TOX: variants seen among roughly 807,000 people sequenced by gnomAD.
The protein encoded by TOX is thymocyte selection-associated high mobility group box protein TOX.
A neutral mutation model predicts 53.7 loss-of-function variants in TOX; 11 were observed. The ratio of observed to expected loss-of-function variants is 0.20; its 90% CI spans 0.13 to 0.34. TOX has a LOEUF of 0.34. Ranked by LOEUF, TOX falls within the 10% of genes least tolerant of loss-of-function variation. The pLI is 1.00. For missense variants in TOX, 570 were observed against 664.6 expected, an observed-to-expected ratio of 0.86 and a Z score of 1.56; for synonymous variants, 225 against 245.3, an observed-to-expected ratio of 0.92 and a Z score of 0.77.
chr8:58,848,917 G>GGT (rs139344197), intron 4 of TOX, among the ~76,000 whole-genome samples: 1,883 of 152,142 alleles, frequency 0.012, 16 homozygotes, highest in Middle Eastern at 0.034. Context: ...AGCTTTTTCT[G>GGT]GTGTGGAACT....
At chr8:58,920,791 A>G (rs1050604276) in intron 3 of TOX, among the ~76,000 whole-genome samples, 8 of 148,504 alleles carry the variant, frequency 5.4e-5, no homozygotes, top group African/African-American at 2.0e-4. Context: ...TAAGCTAGGT[A>G]ATAACTACTC....
chr8:59,065,044 T>A (rs1471716735), intron 1 of TOX, among the ~76,000 whole-genome samples: 3 of 152,146 alleles, frequency 2.0e-5, no homozygotes, highest in African/African-American at 7.2e-5. Context: ...TGGTTAAGAA[T>A]AAACTTCCAC....
At chr8:59,017,649 G>A (rs956870986) in intron 1 of TOX, among the ~76,000 whole-genome samples, 5 of 152,160 alleles carry the variant, frequency 3.3e-5, no homozygotes, top group Non-Finnish European at 7.4e-5. Context: ...GAACAATTAC[G>A]TTGAATATGT....
intron 1 of TOX, among the ~76,000 whole-genome samples, chr8:58,961,482 C>T (rs1169017493): frequency 4.0e-5 from 6 of 151,324 alleles, no homozygotes; most frequent in Non-Finnish European, 8.8e-5. Context: ...CTCATGAACC[C>T]GGAGTTAAGT....
intron 2 of TOX, 144 bp downstream of exon 2, chr8:58,959,799 G>A: frequency 2.1e-6 from 2 of 939,232 alleles, no homozygotes; most frequent in East Asian, 5.3e-5. Flanking sequence ...TCATTAACTG[G>A]AAACAAGGCT....
chr8:58,981,722 C>T (rs192827060), intron 1 of TOX, among the ~76,000 whole-genome samples: 314 of 152,218 alleles, frequency 2.1e-3, no homozygotes, highest in African/African-American at 7.0e-3. Context: ...AAAGTCCACC[C>T]GAACAAACTC....
At chr8:59,075,121 G>A (rs1027674742) in intron 1 of TOX, among the ~76,000 whole-genome samples, 1 of 152,188 alleles carries the variant, frequency 6.6e-6, no homozygotes, top group Non-Finnish European at 1.5e-5. Context: ...GAGACTCCTA[G>A]ATTTTTAACC....
intron 1 of TOX, among the ~76,000 whole-genome samples, chr8:59,083,727 TAC>T (rs1020359437): frequency 1.3e-5 from 2 of 152,228 alleles, no homozygotes; most frequent in African/African-American, 4.8e-5. Context: ...CTGCACCATG[TAC>T]ATCTGTCATT....
At chr8:58,867,658 T>C (rs1811126811) in intron 3 of TOX, among the ~76,000 whole-genome samples, 1 of 152,186 alleles carries the variant, frequency 6.6e-6, no homozygotes, top group South Asian at 2.1e-4. Context: ...GATTCAGAAG[T>C]TCTGAGGAGG....
intron 3 of TOX, among the ~76,000 whole-genome samples, chr8:58,894,737 T>C (rs906324854): frequency 6.6e-6 from 1 of 151,430 alleles, no homozygotes; most frequent in Admixed American, 6.6e-5. Flanking sequence ...CTACTAAAAA[T>C]ATAAAAAAAT....
chr8:58,860,147 C>T (rs1195624929), intron 3 of TOX, among the ~76,000 whole-genome samples: 1 of 152,120 alleles, frequency 6.6e-6, no homozygotes, highest in Non-Finnish European at 1.5e-5. Context: ...GGGCCGTGTG[C>T]TATTGTGGAG....
intron 3 of TOX, among the ~76,000 whole-genome samples, chr8:58,927,981 A>G (rs545011859): frequency 2.0e-5 from 3 of 152,326 alleles, no homozygotes; most frequent in Admixed American, 6.5e-5. Flanking sequence ...CAATGCCATC[A>G]GTAGGTTTCT....
chr8:58,964,730 G>C (rs924031342), intron 1 of TOX, among the ~76,000 whole-genome samples: 1 of 152,168 alleles, frequency 6.6e-6, no homozygotes, highest in African/African-American at 2.4e-5. Context: ...TGGATTCTTA[G>C]TAGAAGAGTT....
chr8:58,970,088 G>A (rs1812975612), intron 1 of TOX, among the ~76,000 whole-genome samples: 1 of 152,132 alleles, frequency 6.6e-6, no homozygotes, highest in Non-Finnish European at 1.5e-5. Context: ...TTCAACAAAT[G>A]CTCATTTTGT....
chr8:58,890,003 A>AAAAATAG (rs1200314266), intron 3 of TOX, among the ~76,000 whole-genome samples: 1 of 152,200 alleles, frequency 6.6e-6, no homozygotes, highest in Non-Finnish European at 1.5e-5. Flanking sequence ...GGTTGGGTGT[A>AAAAATAG]AAAATAGAAA....
intron 1 of TOX, among the ~76,000 whole-genome samples, chr8:59,020,947 T>C (rs1046983148): frequency 2.0e-5 from 3 of 151,684 alleles, no homozygotes; most frequent in Non-Finnish European, 4.4e-5. Context: ...ACTGTGTCTC[T>C]ACAAAAAATA....
At chr8:58,930,578 G>C (rs188075938) in intron 3 of TOX, among the ~76,000 whole-genome samples, 7 of 152,168 alleles carry the variant, frequency 4.6e-5, no homozygotes, top group African/African-American at 1.7e-4. Context: ...CAAGGTAGGA[G>C]AGGGAGGACA....
chr8:58,921,604 C>G (rs1585901788), intron 3 of TOX, among the ~76,000 whole-genome samples: 2 of 152,162 alleles, frequency 1.3e-5, no homozygotes, highest in Admixed American at 1.3e-4. Flanking sequence ...CTTTCCCTAA[C>G]TAGATTCCTA....
chr8:58,827,062 T>G (rs1810377920), intron 5 of TOX, among the ~76,000 whole-genome samples, 160 bp from the exon 6 acceptor site: 1 of 152,070 alleles, frequency 6.6e-6, no homozygotes, highest in Admixed American at 6.6e-5. Flanking sequence ...CTGAAACAGA[T>G]TTTTAAGAAG....
Sources: gnomAD v4.1 joint callset for allele counts (sites outside exome capture counted in the v4.1 genomes callset) on GRCh38, gnomAD v4.1.1 for gene constraint, MANE v1.5 for transcripts, NCBI Gene and HGNC (gene_info 2026-07-23, HGNC 2026-07-21) for gene names.